Variants in DDX31 observed in about 807,000 individuals in gnomAD.
DDX31 encodes DEAD-box helicase 31.
DDX31 carries 70 observed loss-of-function variants against 91.3 expected under a neutral mutation model. The ratio of observed to expected loss-of-function variants is 0.77; its 90% CI spans 0.63 to 0.94. The LOEUF is 0.94. DDX31 is among the 40% of genes least tolerant of loss of function. The pLI is 0.00. For missense variants in DDX31, 902 were observed against 925.0 expected (o/e 0.98, Z 0.32); for synonymous variants, 362 against 350.6 (o/e 1.03, Z -0.36).
At chr9:132,628,613 C>CTCTGCTGTTAA (rs1832540480) in intron 16 of DDX31, among the ~76,000 whole-genome samples, 1 of 152,214 alleles carries the variant, frequency 6.6e-6, no homozygotes, top group East Asian at 1.9e-4. Flanking sequence ...GAGAGAGGCA[C>CTCTGCTGTTAA]CTCTGCTGTT....
chr9:132,636,194 T>G lies in DDX31; in HGVS notation c.1441-4103A>C, dbSNP rs190320856. ...AAGTGTGTCAACCACCCACAAAGTG[T>G]TTTCAGACAGCTCCCACAGGCTCTG... On this transcript the variant is annotated intron_variant, in intron 14 of 19. Transcript: ENST00000372159. Among the ~76,000 whole-genome samples, 373 of 152,208 alleles carry G rather than the reference T, an allele frequency of 2.5e-3. 1 individual carries two copies. Among genetic ancestry groups the G allele is most frequent in the African/African-American group, 8.8e-3 (364 of 41,538 alleles).
chr9:132,667,654 G>A (rs544289578), intron 1 of DDX31, among the ~76,000 whole-genome samples: 1 of 151,656 alleles, frequency 6.6e-6, no homozygotes, highest in Non-Finnish European at 1.5e-5. Context: ...CAAGGCCACC[G>A]CAGACACCTG....
Position 132,594,992 on chromosome 9 carries a change from C to A in DDX31, c.2115G>T (p.Glu705Asp), listed in dbSNP as rs762390238. The A allele has an allele frequency of 9.3e-6, 15 of 1,614,098 alleles. No individual in the cohort carries two copies. The South Asian group carries it at 1.6e-4, about 18-fold the overall frequency. Residue 705 changes from glutamate to aspartate, a missense_variant, in exon 20 of 20, where the codon GAG becomes GAT. Physicochemically the swap from Glu to Asp is conservative, Grantham distance 45. Transcript: ENST00000372159. Reference sequence around the variant, plus strand: ...TGTGCTGCAGGGGCCGGCCACCAGGCTCTCCAGGTGCGTTTTGCTTTTTGA... The same window carrying A: ...TGTGCTGCAGGGGCCGGCCACCAGGATCTCCAGGTGCGTTTTGCTTTTTGA... ...AKVKKQNAPG[E>D]PGGRPLQHSL...
chr9:132,632,353 A>C (rs1832843751), intron 14 of DDX31, among the ~76,000 whole-genome samples: 1 of 149,850 alleles, frequency 6.7e-6, no homozygotes, highest in African/African-American at 2.4e-5. Context: ...TCTTGTGGTT[A>C]AAAATTCTGA....
chr9:132,638,129 G>A (rs1833242132), intron 14 of DDX31: 3 of 1,383,040 alleles, frequency 2.2e-6, no homozygotes, highest in East Asian at 2.7e-5. Context: ...GACAGTTGGC[G>A]CCCAGGGCGG....
chr9:132,649,569 T>C (rs539442293), intron 9 of DDX31, among the ~76,000 whole-genome samples: 5 of 152,224 alleles, frequency 3.3e-5, no homozygotes, highest in Admixed American at 2.6e-4. Context: ...ATAAAACTTG[T>C]ATATTGTTTG....
chr9:132,669,594 T>C, intron 1 of DDX31: 2 of 1,504,494 alleles, frequency 1.3e-6, no homozygotes, highest in Non-Finnish European at 1.8e-6. Flanking sequence ...AGCCTCTAAT[T>C]CCTTCCTTTA....
chr9:132,607,920 G>C (rs1831111851), intron 19 of DDX31, among the ~76,000 whole-genome samples: 1 of 152,156 alleles, frequency 6.6e-6, no homozygotes, highest in South Asian at 2.1e-4. Flanking sequence ...TGGCCCTATT[G>C]AGCGTGCCTG....
intron 14 of DDX31, among the ~76,000 whole-genome samples, chr9:132,640,572 C>T (rs2130732453): frequency 6.6e-6 from 1 of 152,354 alleles, no homozygotes; most frequent in East Asian, 1.9e-4. Flanking sequence ...TCACAGCTCA[C>T]TGTAGCCTCG....
intron 19 of DDX31, among the ~76,000 whole-genome samples, chr9:132,603,319 G>T (rs1464597176): frequency 6.6e-6 from 1 of 152,198 alleles, no homozygotes; most frequent in African/African-American, 2.4e-5. Context: ...CCAACGTGGA[G>T]ATATCTGAAA....
At chr9:132,641,947 T>G in intron 14 of DDX31, 57 bp downstream of exon 14, 1 of 1,550,766 alleles carries the variant, frequency 6.4e-7, no homozygotes, top group Non-Finnish European at 8.9e-7. Context: ...GACGAAAGAT[T>G]ACACAGCCAT....
chr9:132,618,082 C>T lies in DDX31; in HGVS notation c.1825+248G>A, dbSNP rs146078048. On this transcript the variant is annotated intron_variant, in intron 18 of 19. Transcript: ENST00000372159. Reference sequence around the variant, plus strand: ...AGTTGTTGGGTCAAAACTCTAGTCCCGATATAAGCCAAGATAAAGCCTCAT... The same window carrying T: ...AGTTGTTGGGTCAAAACTCTAGTCCTGATATAAGCCAAGATAAAGCCTCAT... Among the ~76,000 whole-genome samples the T allele has an allele frequency of 5.3e-5, 8 of 152,242 alleles. No homozygotes were observed. The East Asian group carries it at 1.5e-3, about 29-fold the overall frequency.
At chr9:132,599,354 C>T (rs1830605265) in intron 19 of DDX31, among the ~76,000 whole-genome samples, 1 of 152,180 alleles carries the variant, frequency 6.6e-6, no homozygotes, top group Admixed American at 6.5e-5. Flanking sequence ...TGTCACCATG[C>T]TACAGTTTTC....
intron 6 of DDX31, among the ~76,000 whole-genome samples, chr9:132,653,421 G>A (rs1490764922): frequency 1.4e-5 from 2 of 139,670 alleles, no homozygotes; most frequent in Non-Finnish European, 3.0e-5. Context: ...TTGAACCCAG[G>A]AGGTGGAGGT....
At chr9:132,622,170 T>C (rs114798400) in intron 17 of DDX31, among the ~76,000 whole-genome samples, 9 of 152,322 alleles carry the variant, frequency 5.9e-5, no homozygotes, top group South Asian at 2.1e-4. Context: ...CTCACAGCAA[T>C]TGTATGTTTT....
At chr9:132,598,305 G>A (rs1830547448) in intron 19 of DDX31, among the ~76,000 whole-genome samples, 2 of 152,168 alleles carry the variant, frequency 1.3e-5, no homozygotes, top group Non-Finnish European at 2.9e-5. Flanking sequence ...TTCTCCTTCT[G>A]CCAAGCTGCA....
chr9:132,603,510 G>T (rs1830837653), intron 19 of DDX31, among the ~76,000 whole-genome samples: 1 of 152,162 alleles, frequency 6.6e-6, no homozygotes, highest in South Asian at 2.1e-4. Flanking sequence ...GGTTTGGGAT[G>T]ACTAAAACTA....
intron 17 of DDX31, among the ~76,000 whole-genome samples, chr9:132,620,724 A>C (rs1831973792): frequency 1.3e-5 from 2 of 152,178 alleles, no homozygotes; most frequent in Admixed American, 6.5e-5. Flanking sequence ...CTGAAGACAG[A>C]GGGGGGCAGA....
rs529439173 is a variant in DDX31 at position 132,606,510 on chromosome 9, G to C, written c.1994+5577C>G. ...GGTACTCGCGACAATGATGGAGGCT[G>C]GGGGAAGAAGCAATGCGACAATATG... On this transcript the variant is annotated intron_variant, in intron 19 of 19. Coordinates refer to ENST00000372159, the MANE Select transcript of DDX31 (RefSeq NM_022779.9). 4.6e-5 allele frequency among the ~76,000 whole-genome samples: 7 copies of C among 152,318 alleles called. No homozygotes were observed. The East Asian group carries it at 1.3e-3, about 29-fold the overall frequency.
Sources: gnomAD v4.1 joint callset for allele counts (sites outside exome capture counted in the v4.1 genomes callset) on GRCh38, gnomAD v4.1.1 for gene constraint, MANE v1.5 for transcripts, NCBI Gene and HGNC (gene_info 2026-07-23, HGNC 2026-07-21) for gene names.